Variants in MAN1A2 observed in about 807,000 individuals in gnomAD.
MAN1A2 encodes mannosyl-oligosaccharide 1,2-alpha-mannosidase IB.
MAN1A2 carries 26 observed loss-of-function variants against 75.7 expected under a neutral mutation model. The ratio of observed to expected loss-of-function variants is 0.34; its 90% CI spans 0.25 to 0.48. The LOEUF is 0.48. MAN1A2 is among the 20% of genes least tolerant of loss of function. The pLI is 0.99. For missense variants in MAN1A2, 562 were observed against 775.5 expected, an observed-to-expected ratio of 0.72 and a Z score of 3.27; for synonymous variants, 247 against 264.6, an observed-to-expected ratio of 0.93 and a Z score of 0.65.
At chr1:117,428,348 C>G (rs1257429049) in intron 5 of MAN1A2, among the ~76,000 whole-genome samples, 1 of 151,884 alleles carries the variant, frequency 6.6e-6, no homozygotes, top group Non-Finnish European at 1.5e-5. Flanking sequence ...CTCCTGGGCT[C>G]AAGAGATCTT....
intron 6 of MAN1A2, among the ~76,000 whole-genome samples, chr1:117,445,748 A>C (rs1290462188): frequency 1.3e-5 from 2 of 150,868 alleles, no homozygotes; most frequent in African/African-American, 4.9e-5. Flanking sequence ...TCTGGTCCCA[A>C]ACTCCCGAGC....
At chr1:117,411,091 C>T (rs564883002) in intron 3 of MAN1A2, among the ~76,000 whole-genome samples, 1 of 151,544 alleles carries the variant, frequency 6.6e-6, no homozygotes, top group African/African-American at 2.4e-5. Flanking sequence ...TAGAAATTGG[C>T]AAGTTGATTC....
intron 8 of MAN1A2, among the ~76,000 whole-genome samples, chr1:117,470,779 T>C (rs1650126286): frequency 6.6e-6 from 1 of 152,036 alleles, no homozygotes; most frequent in Admixed American, 6.6e-5. Flanking sequence ...TTTATTATTA[T>C]CTTTGAGCTA....
intron 12 of MAN1A2, among the ~76,000 whole-genome samples, chr1:117,506,651 A>G (rs1651382751): frequency 6.6e-6 from 1 of 151,736 alleles, no homozygotes. Flanking sequence ...TAAGAGAAAT[A>G]TTAACAAAAT....
At chr1:117,513,438 A>G (rs890900373) in intron 12 of MAN1A2, among the ~76,000 whole-genome samples, 3 of 151,970 alleles carry the variant, frequency 2.0e-5, no homozygotes, top group African/African-American at 7.2e-5. Flanking sequence ...GATGAGTATT[A>G]TGCTCTTGTT....
At chr1:117,451,185 A>T (rs575350534) in intron 6 of MAN1A2, among the ~76,000 whole-genome samples, 5 of 152,240 alleles carry the variant, frequency 3.3e-5, no homozygotes, top group Non-Finnish European at 5.9e-5. Context: ...GATGTGAGAC[A>T]TGGAGTCAAA....
chr1:117,370,132 T>C (rs1652911431), intron 1 of MAN1A2, among the ~76,000 whole-genome samples: 2 of 152,262 alleles, frequency 1.3e-5, no homozygotes, highest in South Asian at 4.1e-4. Flanking sequence ...TAACAGTCTG[T>C]ATAAATAGTT....
intron 6 of MAN1A2, among the ~76,000 whole-genome samples, chr1:117,444,661 T>C (rs925992998): frequency 6.6e-6 from 1 of 152,048 alleles, no homozygotes; most frequent in Admixed American, 6.6e-5. Context: ...ATTGGGCATG[T>C]AGATTTGCTT....
intron 1 of MAN1A2, among the ~76,000 whole-genome samples, chr1:117,379,347 C>T (rs760058214): frequency 6.1e-4 from 93 of 152,002 alleles, no homozygotes; most frequent in Non-Finnish European, 4.4e-4. Context: ...GTTGGAATAA[C>T]GTGCCGTTTT....
intron 6 of MAN1A2, among the ~76,000 whole-genome samples, chr1:117,450,684 C>A (rs1342490080): frequency 1.2e-4 from 18 of 152,206 alleles, no homozygotes. Context: ...GTATCCCAGC[C>A]TCTCTAGCTG....
chr1:117,449,811 C>A (rs1033975677), intron 6 of MAN1A2, among the ~76,000 whole-genome samples: 3 of 152,194 alleles, frequency 2.0e-5, no homozygotes, highest in African/African-American at 7.2e-5. Context: ...CTACAACATT[C>A]TCTTAAGCCA....
intron 1 of MAN1A2, among the ~76,000 whole-genome samples, chr1:117,393,092 G>A (rs1475779080): frequency 6.6e-6 from 1 of 152,128 alleles, no homozygotes; most frequent in African/African-American, 2.4e-5. Context: ...TCAGTACACT[G>A]GAAACTATGT....
chr1:117,489,802 A>T (rs939255017), intron 8 of MAN1A2, among the ~76,000 whole-genome samples: 1 of 152,122 alleles, frequency 6.6e-6, no homozygotes, highest in Non-Finnish European at 1.5e-5. Flanking sequence ...AAATATATGA[A>T]TATTAATATG....
At chr1:117,450,675 T>C (rs1436796131) in intron 6 of MAN1A2, among the ~76,000 whole-genome samples, 1 of 152,156 alleles carries the variant, frequency 6.6e-6, no homozygotes, top group Non-Finnish European at 1.5e-5. Context: ...TGGTGCCCTG[T>C]ATCCCAGCCT....
At chr1:117,431,199 G>C (rs1427902283) in intron 5 of MAN1A2, among the ~76,000 whole-genome samples, 1 of 29,238 alleles carries the variant, frequency 3.4e-5, no homozygotes, top group Non-Finnish European at 7.3e-5. Flanking sequence ...GGGAGAGGGA[G>C]GGGGAGGGGG....
chr1:117,375,338 C>G (rs187810827), intron 1 of MAN1A2, among the ~76,000 whole-genome samples: 9 of 152,190 alleles, frequency 5.9e-5, no homozygotes, highest in Non-Finnish European at 7.4e-5. Context: ...AATTTCCTAA[C>G]CTTAATATTG....
At chr1:117,477,647 A>G (rs139809800) in intron 8 of MAN1A2, among the ~76,000 whole-genome samples, 75 of 152,182 alleles carry the variant, frequency 4.9e-4, no homozygotes, top group African/African-American at 1.7e-3. Flanking sequence ...TCAAAATAAT[A>G]AGACCTATTT....
chr1:117,444,394 CTTTT>C (rs770908058), intron 6 of MAN1A2, among the ~76,000 whole-genome samples: 1 of 135,136 alleles, frequency 7.4e-6, no homozygotes. Context: ...AAAGCATCTG[CTTTT>C]TTTTTTTTTT....
At chr1:117,510,396 C>G (rs1163458370) in intron 12 of MAN1A2, among the ~76,000 whole-genome samples, 1 of 151,988 alleles carries the variant, frequency 6.6e-6, no homozygotes, top group Non-Finnish European at 1.5e-5. Flanking sequence ...TAGGCACTAC[C>G]TGATAATGTG....
Sources: gnomAD v4.1 joint callset for allele counts (sites outside exome capture counted in the v4.1 genomes callset) on GRCh38, gnomAD v4.1.1 for gene constraint, MANE v1.5 for transcripts, NCBI Gene and HGNC (gene_info 2026-07-23, HGNC 2026-07-21) for gene names.